The following SLC9A2 variants were observed in gnomAD, a reference collection of about 807,000 sequenced individuals.
The protein encoded by SLC9A2 is sodium/hydrogen exchanger 2.
SLC9A2 carries 42 observed loss-of-function variants against 71.7 expected under a neutral mutation model. The ratio of observed to expected loss-of-function variants is 0.59; its 90% CI spans 0.46 to 0.76. The LOEUF is 0.76. Ranked by LOEUF, SLC9A2 falls within the 30% of genes least tolerant of loss-of-function variation. SLC9A2 has a pLI of 0.00. For missense variants in SLC9A2, 829 were observed against 1,017.4 expected (o/e 0.81, Z 2.52); for synonymous variants, 396 against 392.5 (o/e 1.01, Z -0.10).
chr2:102,659,716 A>G (rs952776127), intron 2 of SLC9A2, among the ~76,000 whole-genome samples: 1 of 152,198 alleles, frequency 6.6e-6, no homozygotes, highest in Non-Finnish European at 1.5e-5. Context: ...TAACTTAGCA[A>G]TATTAAATTT....
In SLC9A2 at chr2:102,710,935, T is replaced by C. The variant is rs77140684; in HGVS notation, c.*2446T>C. On this transcript the variant is annotated 3_prime_UTR_variant, in exon 12 of 12. Transcript: ENST00000233969. Reference sequence around the variant, plus strand: ...TACCTATAAATGAAAAGTCGGGGTTTATTACTTTATATGTAATGCTGAGAG... The same window carrying C: ...TACCTATAAATGAAAAGTCGGGGTTCATTACTTTATATGTAATGCTGAGAG... The C allele has an allele frequency of 6.6e-6, 1 of 152,368 alleles. No homozygotes were observed. Among genetic ancestry groups the C allele is most frequent in the Non-Finnish European group, 1.5e-5 (1 of 68,040 alleles). The allele number at this position is 152,368 out of a possible 1,614,324, so 9.4% of individuals were successfully genotyped here. A position where few individuals can be genotyped will look rare whatever the true frequency, so the allele number is the denominator to read the frequency against.
chr2:102,700,742 TAATG>T (rs1053524671), intron 7 of SLC9A2, among the ~76,000 whole-genome samples: 3 of 152,146 alleles, frequency 2.0e-5, no homozygotes, highest in African/African-American at 7.2e-5. Context: ...AATCTGTAAT[TAATG>T]AATACTAGAT....
rs140145677 is a variant in SLC9A2, at chr2:102,688,174, T to C, written c.1425+3838T>C. 3.3e-4 allele frequency among the ~76,000 whole-genome samples: 51 copies of C among 152,300 alleles called. No individual in the cohort carries two copies. In the East Asian group the frequency reaches 7.5e-3, roughly 22 times the overall value. ...TTGGTAATGTTATTTATATCAAATA[T>C]AAGCTATTTCTCATACATGTAAATT... is the stretch of plus-strand genomic sequence containing the variant. On this transcript the variant is annotated intron_variant, in intron 5 of 11. Coordinates refer to ENST00000233969, the MANE Select transcript of SLC9A2 (RefSeq NM_003048.6).
chr2:102,625,744 A>G (rs1676234990), intron 1 of SLC9A2, among the ~76,000 whole-genome samples: 2 of 152,092 alleles, frequency 1.3e-5, no homozygotes, highest in African/African-American at 2.4e-5. Flanking sequence ...GGTTGGTTCC[A>G]AGTCTTTGCT....
intron 1 of SLC9A2, among the ~76,000 whole-genome samples, chr2:102,626,506 G>A (rs529424583): frequency 2.0e-4 from 31 of 152,242 alleles, no homozygotes; most frequent in Admixed American, 5.2e-4. Context: ...CAGGACATAG[G>A]CATGGGCAAG....
At chr2:102,670,156 G>T (rs1319475396) in intron 3 of SLC9A2, among the ~76,000 whole-genome samples, 2 of 149,142 alleles carry the variant, frequency 1.3e-5, no homozygotes, top group Non-Finnish European at 3.0e-5. Context: ...TTAGCCTCCC[G>T]AGTAGCTGGG....
chr2:102,639,670 A>G (rs1676536024), intron 1 of SLC9A2, among the ~76,000 whole-genome samples: 1 of 152,134 alleles, frequency 6.6e-6, no homozygotes, highest in African/African-American at 2.4e-5. Context: ...ATCTTCACAA[A>G]CTGAAAATTT....
chr2:102,646,735 G>A (rs905073128), intron 1 of SLC9A2, among the ~76,000 whole-genome samples: 15 of 146,366 alleles, frequency 1.0e-4, no homozygotes, highest in Admixed American at 7.5e-4. Context: ...AATGGTAAAA[G>A]GATCAATGCA....
At chr2:102,688,300 G>A (rs1677589538) in intron 5 of SLC9A2, among the ~76,000 whole-genome samples, 1 of 152,148 alleles carries the variant, frequency 6.6e-6, no homozygotes, top group Non-Finnish European at 1.5e-5. Flanking sequence ...TGCAGCCTCT[G>A]TGGGCCTCAG....
Position 102,710,688 on chromosome 2 carries a change from T to C in SLC9A2, c.*2199T>C, listed in dbSNP as rs1678091038. ...CTTTTTTTCTATACTTTCCTCTTTT[T>C]GTAATTCTTAAATTCTAGTCACTAG... On this transcript the variant is annotated 3_prime_UTR_variant, in exon 12 of 12. Transcript: ENST00000233969. 1 of 152,322 alleles carries C rather than the reference T, an allele frequency of 6.6e-6. No homozygotes were observed. 9.4% of individuals were successfully genotyped at this position (152,322 alleles called of 1,614,324 possible).
In SLC9A2 at chr2:102,708,381, G is replaced by C. The variant is rs1306489246; in HGVS notation, c.2331G>C (p.Arg777Ser). ...LLSKDQSGSE[R>S]EDSLTEGIPP... Reference sequence around the variant, plus strand: ...CTAAAGACCAGTCTGGCTCAGAGAGGGAAGACAGTTTGACTGAAGGCATCC... The same window carrying C: ...CTAAAGACCAGTCTGGCTCAGAGAGCGAAGACAGTTTGACTGAAGGCATCC... Residue 777 changes from arginine to serine, a missense_variant, in exon 12 of 12, where the codon AGG (arginine) becomes AGC (serine). Arg to Ser is a moderately radical substitution (Grantham distance 110). Coordinates refer to ENST00000233969, the MANE Select transcript of SLC9A2 (RefSeq NM_003048.6). 6.2e-7 allele frequency: 1 copy of C among 1,614,198 alleles called. No homozygotes were observed. The highest frequency in any genetic ancestry group is 8.5e-7 in the Non-Finnish European group (1 of 1,180,044).
intron 1 of SLC9A2, among the ~76,000 whole-genome samples, chr2:102,650,815 G>A (rs1407408588): frequency 1.3e-5 from 2 of 152,150 alleles, no homozygotes; most frequent in African/African-American, 4.8e-5. Flanking sequence ...GGGGGAGTGT[G>A]GCATCATACT....
chr2:102,649,348 TA>T (rs1221038205), intron 1 of SLC9A2, among the ~76,000 whole-genome samples: 1 of 152,150 alleles, frequency 6.6e-6, no homozygotes, highest in African/African-American at 2.4e-5. Flanking sequence ...GGCTTAAGTG[TA>T]AAACCTAAAA....
At chr2:102,658,622 C>A (rs1450607503) in intron 2 of SLC9A2, among the ~76,000 whole-genome samples, 1 of 151,774 alleles carries the variant, frequency 6.6e-6, no homozygotes, top group Admixed American at 6.6e-5. Context: ...TGGCCCTCAT[C>A]ACCTTCTCAT....
intron 5 of SLC9A2, among the ~76,000 whole-genome samples, chr2:102,689,323 C>T (rs1201563230): frequency 6.6e-6 from 1 of 152,168 alleles, no homozygotes; most frequent in Non-Finnish European, 1.5e-5. Flanking sequence ...GTGCTCATTG[C>T]TTGCAACCCT....
At chr2:102,646,791 C>T (rs868678259) in intron 1 of SLC9A2, among the ~76,000 whole-genome samples, 1 of 71,110 alleles carries the variant, frequency 1.4e-5, no homozygotes, top group Non-Finnish European at 2.8e-5. Context: ...ATATATATAT[C>T]TCCAATACAG....
intron 1 of SLC9A2, among the ~76,000 whole-genome samples, chr2:102,650,131 A>T (rs1446312508): frequency 6.6e-6 from 1 of 152,248 alleles, no homozygotes. Flanking sequence ...ATGGAATACT[A>T]TGCAGCCATA....
chr2:102,683,621 T>A (rs1213511646), intron 4 of SLC9A2, 143 bp downstream of exon 4: 2 of 658,364 alleles, frequency 3.0e-6, no homozygotes, highest in South Asian at 4.0e-5. Flanking sequence ...GTCTTCCTCC[T>A]CTTCTTCCTC....
At chr2:102,665,823 C>T (rs376550925) in intron 3 of SLC9A2, among the ~76,000 whole-genome samples, 25 of 85,822 alleles carry the variant, frequency 2.9e-4, no homozygotes, top group African/African-American at 9.9e-4. Flanking sequence ...TGTTTTGTTA[C>T]AAAGAAATGG....
Sources: gnomAD v4.1 joint callset for allele counts (sites outside exome capture counted in the v4.1 genomes callset) on GRCh38, gnomAD v4.1.1 for gene constraint, MANE v1.5 for transcripts, NCBI Gene and HGNC (gene_info 2026-07-23, HGNC 2026-07-21) for gene names.